The following CLDN10 variants were observed in gnomAD, a reference collection of about 807,000 sequenced individuals.
CLDN10 encodes the protein claudin-10.
In CLDN10, 15 loss-of-function variants were observed where a neutral mutation model predicts 22.9. The ratio of observed to expected loss-of-function variants is 0.65; its 90% CI spans 0.44 to 1.01. The LOEUF is 1.01. Ranked by LOEUF, CLDN10 falls within the 50% of genes least tolerant of loss-of-function variation. CLDN10 has a pLI of 0.00. For synonymous variants in CLDN10, 114 were observed against 111.4 expected (o/e 1.02, Z -0.15); for missense variants, 247 against 287.8 (o/e 0.86, Z 1.03).
rs35494686 is a variant in CLDN10 at position 95,527,566 on chromosome 13, C to CA, written c.215-32554dup. Among the ~76,000 whole-genome samples, 754 of 144,394 alleles carry CA rather than the reference C, an allele frequency of 5.2e-3. 10 individuals carry two copies. Among genetic ancestry groups the CA allele is most frequent in the Non-Finnish European group, 7.8e-3 (511 of 65,350 alleles). The allele number at this position is 144,394 out of a possible 152,430, so 94.7% of individuals were successfully genotyped here. A position where few individuals can be genotyped will look rare whatever the true frequency, so the allele number is the denominator to read the frequency against. ...GAAACATGGTGGAACCTCAAGTCTA[C>CA]AAAAAAAAAAAATACAAAAATTAGC... is the stretch of plus-strand genomic sequence containing the variant. On this transcript the variant is annotated intron_variant, in intron 1 of 4. Transcript: ENST00000376873.
chr13:95,520,961 C>CA (rs541045266), intron 1 of CLDN10, among the ~76,000 whole-genome samples: 15,224 of 128,168 alleles, frequency 0.12, 879 homozygotes, highest in Middle Eastern at 0.16. Context: ...CGAGACTCCT[C>CA]AAAAAAAAAA....
At chr13:95,448,539 C>T (rs1363074544) in intron 1 of CLDN10, among the ~76,000 whole-genome samples, 2 of 152,110 alleles carry the variant, frequency 1.3e-5, no homozygotes, top group Non-Finnish European at 2.9e-5. Context: ...ATGTGACCCC[C>T]CTGGACAGAA....
intron 4 of CLDN10, 130 bp downstream of exon 4, chr13:95,577,468 G>T (rs1200010648): frequency 1.5e-6 from 1 of 657,968 alleles, no homozygotes; most frequent in Non-Finnish European, 2.6e-6. Flanking sequence ...GAAAAGGTTA[G>T]CAGTACAGTT....
intron 1 of CLDN10, among the ~76,000 whole-genome samples, chr13:95,472,324 AAC>A (rs2042641248): frequency 2.0e-5 from 3 of 152,200 alleles, no homozygotes; most frequent in Admixed American, 2.0e-4. Flanking sequence ...TTCAAAAACC[AAC>A]AGACAAAAAA....
chr13:95,510,357 CT>C (rs1433083916), intron 1 of CLDN10, among the ~76,000 whole-genome samples: 4 of 152,246 alleles, frequency 2.6e-5, no homozygotes, highest in Admixed American at 2.6e-4. Context: ...TGTGCTTGTC[CT>C]GACCCCTCTG....
chr13:95,578,024 C>T lies in CLDN10; in HGVS notation c.*10C>T, dbSNP rs767551402. On this transcript the variant is annotated 3_prime_UTR_variant, in exon 5 of 5. Coordinates refer to ENST00000299339, the MANE Select transcript of CLDN10 (RefSeq NM_006984.5). ...AAATGCTTATGTCTAAAAGAGCTCG[C>T]TGGCAAGCTGCCTCTTGAGTTTGTT... The T allele has an allele frequency of 1.3e-6, 2 of 1,515,632 alleles. No homozygotes were observed. The highest frequency in any genetic ancestry group is 1.1e-5 in the South Asian group (1 of 87,850). 93.9% of individuals were successfully genotyped at this position (1,515,632 alleles called of 1,614,324 possible). A position where few individuals can be genotyped will look rare whatever the true frequency, so the allele number is the denominator to read the frequency against.
intron 3 of CLDN10, among the ~76,000 whole-genome samples, chr13:95,570,121 A>G (rs1267697094): frequency 6.6e-6 from 1 of 152,206 alleles, no homozygotes; most frequent in African/African-American, 2.4e-5. Flanking sequence ...CATGCTTACC[A>G]ATACTGGCCA....
chr13:95,511,627 C>CTT lies in CLDN10; in HGVS notation c.215-48495_215-48494dup, dbSNP rs113267075. Among the ~76,000 whole-genome samples, 105 of 139,540 alleles carry CTT rather than the reference C, an allele frequency of 7.5e-4. 5 individuals carry two copies. Among genetic ancestry groups the CTT allele is most frequent in the Admixed American group, 5.4e-3 (76 of 14,122 alleles). 91.5% of individuals were successfully genotyped at this position (139,540 alleles called of 152,430 possible). On this transcript the variant is annotated intron_variant, in intron 1 of 4. Transcript: ENST00000376873. ...TCATCTTAGACAAAGATTCTCTCTC[C>CTT]TTTTTTTTTTTGGTTTTTGTTTGTT...
intron 3 of CLDN10, among the ~76,000 whole-genome samples, chr13:95,565,694 T>C (rs2043777741): frequency 6.6e-6 from 1 of 152,166 alleles, no homozygotes; most frequent in African/African-American, 2.4e-5. Flanking sequence ...GTTACATAGG[T>C]ATACATGTGC....
chr13:95,486,863 T>TG (rs2042810473), intron 1 of CLDN10, among the ~76,000 whole-genome samples: 1 of 152,338 alleles, frequency 6.6e-6, no homozygotes, highest in Non-Finnish European at 1.5e-5. Context: ...GTGTTCAACA[T>TG]GGTGCCTGAT....
At chr13:95,526,008 ACT>A (rs1204677624) in intron 1 of CLDN10, among the ~76,000 whole-genome samples, 49 of 152,086 alleles carry the variant, frequency 3.2e-4, no homozygotes, top group Admixed American at 3.0e-3. Context: ...TTTCTCTTCT[ACT>A]TTCTAAGTCT....
At chr13:95,482,129 C>T (rs1483799096) in intron 1 of CLDN10, among the ~76,000 whole-genome samples, 2 of 152,110 alleles carry the variant, frequency 1.3e-5, no homozygotes, top group African/African-American at 2.4e-5. Context: ...GATGGATACC[C>T]CATGTTACAT....
At chr13:95,509,168 A>G (rs1377426999) in intron 1 of CLDN10, among the ~76,000 whole-genome samples, 1 of 152,202 alleles carries the variant, frequency 6.6e-6, no homozygotes, top group Non-Finnish European at 1.5e-5. Context: ...GACTGGTCAG[A>G]CATGGGAGAT....
chr13:95,506,996 G>A (rs2043045296), intron 1 of CLDN10, among the ~76,000 whole-genome samples: 1 of 152,104 alleles, frequency 6.6e-6, no homozygotes, highest in African/African-American at 2.4e-5. Context: ...TCTCACTGTG[G>A]TCCTTGGATG....
Position 95,541,191 on chromosome 13 carries a change from A to T in CLDN10, c.215-18941A>T, listed in dbSNP as rs1301252971. On this transcript the variant is annotated intron_variant, in intron 1 of 4. Transcript: ENST00000376873. ...AAAGGAAATCAGGCCTTGTGCAGAA[A>T]ATAAACGGAACTCGTCTGCCTTTCC... Among the ~76,000 whole-genome samples the T allele has an allele frequency of 2.0e-5, 3 of 152,240 alleles. No homozygotes were observed. The East Asian group carries it at 5.8e-4, about 29-fold the overall frequency.
chr13:95,438,040 G>A (rs981326687), intron 1 of CLDN10, among the ~76,000 whole-genome samples: 1 of 152,008 alleles, frequency 6.6e-6, no homozygotes, highest in African/African-American at 2.4e-5. Flanking sequence ...TGGGATTAAG[G>A]TCTTTTCTTC....
chr13:95,456,833 CTTTG>C (rs1295777691), intron 1 of CLDN10, among the ~76,000 whole-genome samples: 2 of 152,150 alleles, frequency 1.3e-5, no homozygotes, highest in Non-Finnish European at 2.9e-5. Context: ...AGGCATTTTG[CTTTG>C]TTTGTAAAGA....
intron 1 of CLDN10, among the ~76,000 whole-genome samples, chr13:95,486,522 CAAAAA>C (rs35424054): frequency 1.9e-3 from 216 of 113,348 alleles, no homozygotes; most frequent in Non-Finnish European, 2.8e-3. Context: ...GACCCCATCT[CAAAAA>C]AAAAAAAAAA....
At chr13:95,446,349 T>C (rs1279712294) in intron 1 of CLDN10, among the ~76,000 whole-genome samples, 3 of 152,234 alleles carry the variant, frequency 2.0e-5, no homozygotes, top group Non-Finnish European at 2.9e-5. Flanking sequence ...TCTATGTCTT[T>C]GATTTGCATA....
Sources: allele counts gnomAD v4.1 joint callset (sites outside exome capture counted in the v4.1 genomes callset), GRCh38; gene constraint gnomAD v4.1.1; transcripts MANE v1.5; gene names NCBI Gene and HGNC (gene_info 2026-07-23, HGNC 2026-07-21).